FGGY: variants seen among roughly 807,000 people sequenced by gnomAD.
FGGY encodes FGGY carbohydrate kinase domain-containing protein.
FGGY carries 72 observed loss-of-function variants against 71.3 expected under a neutral mutation model. The ratio of observed to expected loss-of-function variants is 1.01; its 90% CI spans 0.84 to 1.23. The LOEUF is 1.23. FGGY is among the 50% of genes most tolerant of loss of function. The pLI, the probability that FGGY is intolerant of heterozygous loss-of-function variation, is 0.00. For missense variants in FGGY, 668 were observed against 682.3 expected (o/e 0.98, Z 0.23); for synonymous variants, 251 against 250.3 (o/e 1.00, Z -0.02).
chr1:59,617,578 G>T (rs891472699), intron 9 of FGGY, among the ~76,000 whole-genome samples: 1 of 152,030 alleles, frequency 6.6e-6, no homozygotes, highest in Non-Finnish European at 1.5e-5. Context: ...ATTCTCTTCT[G>T]AATAGTTGTG....
intron 12 of FGGY, among the ~76,000 whole-genome samples, chr1:59,661,692 T>C (rs962602817): frequency 7.0e-6 from 1 of 143,038 alleles, no homozygotes; most frequent in Non-Finnish European, 1.6e-5. Flanking sequence ...ATTAAGAGGG[T>C]GTTTTGTTTT....
chr1:59,359,914 C>T lies in FGGY; in HGVS notation c.465+13516C>T, dbSNP rs544885408. The stretch of plus-strand genomic sequence containing the variant: ...TAGAGAGCTGCCTAAGTGGCTCTAT[C>T]CTACCTGGCCTCCGTTTCTCATTAT... On this transcript the variant is annotated intron_variant, in intron 4 of 15. Transcript: ENST00000303721. Among the ~76,000 whole-genome samples the T allele has an allele frequency of 7.8e-4, 118 of 152,216 alleles. 3 individuals carry two copies. In the South Asian group the frequency reaches 0.025, roughly 32 times the overall value.
intron 4 of FGGY, among the ~76,000 whole-genome samples, chr1:59,348,537 C>T (rs2052590272): frequency 6.6e-6 from 1 of 152,108 alleles, no homozygotes; most frequent in Admixed American, 6.6e-5. Context: ...ACTTGAAAAC[C>T]TCTAGGTGGT....
chr1:59,454,384 A>G (rs1056731669), intron 5 of FGGY, among the ~76,000 whole-genome samples: 3 of 152,204 alleles, frequency 2.0e-5, no homozygotes, highest in African/African-American at 4.8e-5. Context: ...TCTTCAGAAC[A>G]TGTTACATAG....
chr1:59,383,291 A>G (rs1487251793), intron 5 of FGGY, among the ~76,000 whole-genome samples: 1 of 152,194 alleles, frequency 6.6e-6, no homozygotes, highest in Admixed American at 6.5e-5. Context: ...GTGCCTAGGT[A>G]GTATATGATC....
At chr1:59,668,991 CA>C (rs33999903) in intron 13 of FGGY, among the ~76,000 whole-genome samples, 695 of 37,110 alleles carry the variant, frequency 0.019, 3 homozygotes, top group African/African-American at 0.049. Context: ...AACTCCATCT[CA>C]AAAAAAAAAA....
At chr1:59,461,353 A>G (rs960441126) in intron 6 of FGGY, among the ~76,000 whole-genome samples, 9 of 152,226 alleles carry the variant, frequency 5.9e-5, no homozygotes, top group Admixed American at 5.9e-4. Flanking sequence ...AAATAAAGCA[A>G]GAAGAGAAGT....
intron 7 of FGGY, among the ~76,000 whole-genome samples, chr1:59,522,629 C>G (rs2094867502): frequency 6.6e-6 from 1 of 152,158 alleles, no homozygotes; most frequent in Admixed American, 6.5e-5. Context: ...TGCTTACAAT[C>G]TCAATCTCAA....
At chr1:59,365,178 G>A (rs2056363871) in intron 4 of FGGY, among the ~76,000 whole-genome samples, 1 of 152,174 alleles carries the variant, frequency 6.6e-6, no homozygotes, top group African/African-American at 2.4e-5. Context: ...AGGAGTGATT[G>A]ATATTTCTCA....
intron 5 of FGGY, among the ~76,000 whole-genome samples, chr1:59,405,150 C>T (rs1218094066): frequency 6.6e-6 from 1 of 152,132 alleles, no homozygotes; most frequent in Non-Finnish European, 1.5e-5. Context: ...TTATTACATG[C>T]CTTAAACTTT....
intron 8 of FGGY, among the ~76,000 whole-genome samples, chr1:59,564,223 T>C (rs12070976): frequency 0.21 from 31,400 of 152,056 alleles, 4,481 homozygotes; most frequent in African/African-American, 0.4. Context: ...ATCTGCACAG[T>C]CAAAAAAGCT....
intron 5 of FGGY, among the ~76,000 whole-genome samples, chr1:59,404,502 C>T (rs1015362814): frequency 3.9e-5 from 6 of 152,070 alleles, no homozygotes. Context: ...TGCTGGGGGT[C>T]ACTAATTATT....
intron 1 of FGGY, among the ~76,000 whole-genome samples, chr1:59,311,682 A>T (rs1324754806): frequency 6.6e-6 from 1 of 152,160 alleles, no homozygotes; most frequent in Non-Finnish European, 1.5e-5. Context: ...TTGCTATTGT[A>T]AACAGTGCTG....
chr1:59,571,304 G>T (rs975126530), intron 8 of FGGY, among the ~76,000 whole-genome samples: 6 of 152,214 alleles, frequency 3.9e-5, no homozygotes, highest in African/African-American at 1.4e-4. Context: ...TTTCTTACCA[G>T]ACTGCTTTAT....
At chr1:59,603,571 C>T (rs1558512010) in intron 8 of FGGY, among the ~76,000 whole-genome samples, 1 of 152,156 alleles carries the variant, frequency 6.6e-6, no homozygotes, top group Non-Finnish European at 1.5e-5. Context: ...TGCATTCCTC[C>T]CATTTTGGAG....
intron 14 of FGGY, among the ~76,000 whole-genome samples, chr1:59,710,927 A>C (rs1046978977): frequency 3.9e-5 from 6 of 152,208 alleles, no homozygotes; most frequent in African/African-American, 1.4e-4. Flanking sequence ...TTGACCCAGC[A>C]ATCCCATTAC....
intron 14 of FGGY, among the ~76,000 whole-genome samples, chr1:59,748,097 T>C (rs2098215279): frequency 6.6e-6 from 1 of 152,068 alleles, no homozygotes; most frequent in African/African-American, 2.4e-5. Context: ...TTGCGTAAAA[T>C]AGGCATTCAA....
chr1:59,656,129 C>T (rs904297865), intron 11 of FGGY, among the ~76,000 whole-genome samples: 8 of 152,044 alleles, frequency 5.3e-5, no homozygotes, highest in Non-Finnish European at 1.2e-4. Flanking sequence ...TACACAATAT[C>T]CAAAATAGAT....
At chr1:59,430,141 C>G (rs2067082949) in intron 5 of FGGY, among the ~76,000 whole-genome samples, 1 of 152,154 alleles carries the variant, frequency 6.6e-6, no homozygotes, top group Non-Finnish European at 1.5e-5. Context: ...ATTTTCTGGT[C>G]CCATTTTAGA....
Sources: allele counts gnomAD v4.1 joint callset (sites outside exome capture counted in the v4.1 genomes callset), GRCh38; gene constraint gnomAD v4.1.1; transcripts MANE v1.5; gene names NCBI Gene and HGNC (gene_info 2026-07-23, HGNC 2026-07-21).